Variants in ULK4 observed in about 807,000 individuals in gnomAD.
The protein encoded by ULK4 is unc-51 like kinase 4.
In ULK4, 133 loss-of-function variants were observed where a neutral mutation model predicts 160.6. That is an observed-to-expected ratio of 0.83 (90% CI 0.72 to 0.96). The LOEUF (loss-of-function observed/expected upper bound fraction) is 0.96, where lower values mean the gene tolerates loss of function less well. Ranked by LOEUF, ULK4 falls within the 40% of genes least tolerant of loss-of-function variation. ULK4 has a pLI of 0.00. For missense variants in ULK4, 1,580 were observed against 1,499.5 expected, an observed-to-expected ratio of 1.05 and a Z score of -0.89; for synonymous variants, 534 against 539.8, an observed-to-expected ratio of 0.99 and a Z score of 0.15.
chr3:41,714,795 T>C (rs1288722551), intron 25 of ULK4, among the ~76,000 whole-genome samples: 1 of 146,920 alleles, frequency 6.8e-6, no homozygotes, highest in Non-Finnish European at 1.5e-5. Context: ...GAGGTTGCAG[T>C]GAGCCAAGAT....
At chr3:41,874,632 C>A (rs1239104834) in intron 17 of ULK4, among the ~76,000 whole-genome samples, 1 of 152,016 alleles carries the variant, frequency 6.6e-6, no homozygotes, top group Non-Finnish European at 1.5e-5. Context: ...TCGTATGTTC[C>A]CAATTATAAG....
At chr3:41,512,520 C>T (rs1279502263) in intron 32 of ULK4, among the ~76,000 whole-genome samples, 1 of 152,114 alleles carries the variant, frequency 6.6e-6, no homozygotes, top group African/African-American at 2.4e-5. Flanking sequence ...ACCCTTTTTA[C>T]AATAGCTGTA....
chr3:41,718,769 A>G (rs923275951), intron 22 of ULK4, among the ~76,000 whole-genome samples: 8 of 152,218 alleles, frequency 5.3e-5, no homozygotes, highest in African/African-American at 1.9e-4. Context: ...GGAGTTTTAT[A>G]CATAATATAC....
At chr3:41,862,792 C>T (rs34136790) in intron 17 of ULK4, among the ~76,000 whole-genome samples, 19,906 of 150,480 alleles carry the variant, frequency 0.13, 4,327 homozygotes, top group African/African-American at 0.45. Flanking sequence ...TCTCCGCTCC[C>T]CCCCCCCTTT....
Position 41,419,237 on chromosome 3 carries a change from A to T in ULK4, c.3493-20973T>A, listed in dbSNP as rs546007885. On this transcript the variant is annotated intron_variant, in intron 34 of 36. Transcript: ENST00000301831. The stretch of plus-strand genomic sequence containing the variant: ...GGGGAAAAAAAAGCTCCATGACAGC[A>T]GTGTGCTCGGTGTTTCTGAGGACCA... 2.0e-4 allele frequency among the ~76,000 whole-genome samples: 30 copies of T among 152,292 alleles called. No homozygotes were observed. In the South Asian group the frequency reaches 6.0e-3, roughly 30 times the overall value.
intron 35 of ULK4, among the ~76,000 whole-genome samples, chr3:41,363,826 T>C (rs575383447): frequency 6.6e-6 from 1 of 152,276 alleles, no homozygotes; most frequent in Non-Finnish European, 1.5e-5. Context: ...GTAATCTTCA[T>C]AAAAGGGCCC....
chr3:41,901,668 C>T (rs1386151855), intron 12 of ULK4, among the ~76,000 whole-genome samples: 2 of 150,710 alleles, frequency 1.3e-5, no homozygotes, highest in South Asian at 2.1e-4. Flanking sequence ...TTAGTAGAAT[C>T]GGGGTTTCAC....
chr3:41,835,853 G>A lies in ULK4; in HGVS notation c.1764+11C>T, dbSNP rs762906023. 2 of 1,559,386 alleles carry A rather than the reference G, an allele frequency of 1.3e-6. No individual in the cohort carries two copies. Among genetic ancestry groups the A allele is most frequent in the Non-Finnish European group, 1.8e-6 (2 of 1,136,342 alleles). ...TGTCAAACAGCAACAGAGTTAATCAGACAGTCTCACCTGGGTGGCTACAAG... is the reference window on the plus strand; with the variant it reads ...TGTCAAACAGCAACAGAGTTAATCAAACAGTCTCACCTGGGTGGCTACAAG... On this transcript the variant is annotated intron_variant, in intron 18 of 36. Coordinates refer to ENST00000301831, the MANE Select transcript of ULK4 (RefSeq NM_017886.4).
At position 41,900,397 on chromosome 3, in the gene ULK4, A is replaced by G. The variant is rs144410734; in HGVS notation, c.1287+328T>C. ...TTCACATTAGTGCATACGGAGAAAC[A>G]AAAGGACTGAGAGCTAAGGTCTGAG... On this transcript the variant is annotated intron_variant, in intron 13 of 36. Coordinates refer to ENST00000301831, the MANE Select transcript of ULK4 (RefSeq NM_017886.4). Among the ~76,000 whole-genome samples the G allele has an allele frequency of 3.7e-3, 565 of 152,312 alleles. 16 individuals carry two copies. Among genetic ancestry groups the G allele is most frequent in the Admixed American group, 0.032 (487 of 15,308 alleles).
chr3:41,691,066 C>T (rs927930621), intron 27 of ULK4, among the ~76,000 whole-genome samples: 2 of 151,774 alleles, frequency 1.3e-5, no homozygotes, highest in African/African-American at 2.4e-5. Context: ...TCAGAAGCTT[C>T]CTCGTAAGAT....
chr3:41,855,849 C>G lies in ULK4; in HGVS notation c.1657-19878G>C, dbSNP rs151336265. Among the ~76,000 whole-genome samples, 194 of 152,230 alleles carry G rather than the reference C, an allele frequency of 1.3e-3. 1 individual carries two copies. The highest frequency in any genetic ancestry group is 3.9e-4 in the East Asian group (2 of 5,180). ...TTGCTAGGTTCCCAAGGATTACTAA[C>G]TTACACTACATTCAAATATGTTAGT... On this transcript the variant is annotated intron_variant, in intron 17 of 36. Transcript: ENST00000301831.
chr3:41,319,221 C>T (rs1436874004), intron 35 of ULK4, among the ~76,000 whole-genome samples: 2 of 152,122 alleles, frequency 1.3e-5, no homozygotes, highest in Non-Finnish European at 2.9e-5. Flanking sequence ...TGGGCATCTT[C>T]GTGTGGGGGC....
At chr3:41,872,199 G>A (rs139823607) in intron 17 of ULK4, among the ~76,000 whole-genome samples, 1 of 152,252 alleles carries the variant, frequency 6.6e-6, no homozygotes, top group African/African-American at 2.4e-5. Flanking sequence ...TGTTTACCAA[G>A]CCCCTCTTTA....
chr3:41,479,656 G>A (rs1302680003), intron 32 of ULK4, among the ~76,000 whole-genome samples: 1 of 152,106 alleles, frequency 6.6e-6, no homozygotes, highest in East Asian at 1.9e-4. Context: ...AAGGCTAGAA[G>A]CTAGGGCCTG....
intron 5 of ULK4, among the ~76,000 whole-genome samples, chr3:41,922,219 G>T (rs1389946554): frequency 1.3e-5 from 2 of 152,138 alleles, no homozygotes; most frequent in Non-Finnish European, 2.9e-5. Flanking sequence ...TAGGTGTGGT[G>T]GCACAAGCCT....
At chr3:41,645,148 C>T (rs958467832) in intron 30 of ULK4, among the ~76,000 whole-genome samples, 3 of 151,724 alleles carry the variant, frequency 2.0e-5, no homozygotes, top group African/African-American at 7.3e-5. Context: ...AAACCAGCTC[C>T]TGGATTCATT....
At chr3:41,688,432 C>T (rs1019128150) in intron 27 of ULK4, among the ~76,000 whole-genome samples, 2 of 152,140 alleles carry the variant, frequency 1.3e-5, no homozygotes, top group Non-Finnish European at 2.9e-5. Context: ...ATCAAAGGTA[C>T]TTACTAAGAA....
intron 21 of ULK4, among the ~76,000 whole-genome samples, chr3:41,770,430 A>C (rs184918153): frequency 1.4e-4 from 22 of 152,246 alleles, no homozygotes; most frequent in Non-Finnish European, 2.5e-4. Context: ...CACATCCATA[A>C]AATAATCTTC....
At chr3:41,418,416 A>G (rs2082583455) in intron 34 of ULK4, among the ~76,000 whole-genome samples, 2 of 151,878 alleles carry the variant, frequency 1.3e-5, no homozygotes, top group East Asian at 1.9e-4. Flanking sequence ...TCTGCAAAAA[A>G]TTTTCCAAAA....
Sources: gnomAD v4.1 joint callset for allele counts (sites outside exome capture counted in the v4.1 genomes callset) on GRCh38, gnomAD v4.1.1 for gene constraint, MANE v1.5 for transcripts, NCBI Gene and HGNC (gene_info 2026-07-23, HGNC 2026-07-21) for gene names.